SOX5: variants seen among roughly 807,000 people sequenced by gnomAD.
SOX5 encodes transcription factor SOX-5.
SOX5 carries 9 observed loss-of-function variants against 92.0 expected under a neutral mutation model. The ratio of observed to expected loss-of-function variants is 0.10; its 90% CI spans 0.06 to 0.17. SOX5 has a LOEUF of 0.17. Among genes scored for constraint, SOX5 ranks in the 10% least tolerant of loss-of-function variants. The probability of loss-of-function intolerance (pLI) is 1.00; values close to 1 mark genes in which losing one functional copy is unlikely to be tolerated. For synonymous variants in SOX5, 344 were observed against 336.3 expected (o/e 1.02, Z -0.25); for missense variants, 642 against 944.5 (o/e 0.68, Z 4.20).
intron 3 of SOX5, among the ~76,000 whole-genome samples, chr12:23,787,738 G>T (rs1328753938): frequency 6.6e-6 from 1 of 151,872 alleles, no homozygotes; most frequent in Non-Finnish European, 1.5e-5. Flanking sequence ...CAATCAAAGA[G>T]ACTTCAACTT....
chr12:23,650,528 G>A (rs1470131391), intron 7 of SOX5, among the ~76,000 whole-genome samples: 1 of 152,114 alleles, frequency 6.6e-6, no homozygotes. Context: ...CACTGTAGAT[G>A]GAACTTTGGA....
At chr12:23,627,210 C>T (rs914070615) in intron 8 of SOX5, among the ~76,000 whole-genome samples, 2 of 151,952 alleles carry the variant, frequency 1.3e-5, no homozygotes, top group African/African-American at 2.4e-5. Context: ...GTAACTTTTA[C>T]GGAATGGAAA....
intron 3 of SOX5, among the ~76,000 whole-genome samples, chr12:23,821,371 C>A (rs1396380499): frequency 6.6e-6 from 1 of 152,176 alleles, no homozygotes; most frequent in African/African-American, 2.4e-5. Flanking sequence ...AATCTGCAAA[C>A]AGAGATAATT....
intron 4 of SOX5, among the ~76,000 whole-genome samples, chr12:24,070,886 G>T (rs1941670392): frequency 6.6e-6 from 1 of 152,140 alleles, no homozygotes; most frequent in Non-Finnish European, 1.5e-5. Flanking sequence ...TCCACCAGGG[G>T]TAACCTCCAT....
chr12:24,561,819 C>T (rs1954383356), intron 1 of SOX5, among the ~76,000 whole-genome samples: 1 of 151,232 alleles, frequency 6.6e-6, no homozygotes, highest in African/African-American at 2.4e-5. Context: ...AGGGGGTGGG[C>T]CAGGGGTCGC....
At chr12:23,632,103 TG>T (rs1404803666) in intron 8 of SOX5, 1 of 152,170 alleles carries the variant, frequency 6.6e-6, no homozygotes, top group Non-Finnish European at 1.5e-5. Context: ...TAATTGTTGT[TG>T]GGGTTTTTTT....
intron 1 of SOX5, among the ~76,000 whole-genome samples, chr12:24,379,940 A>G (rs1192997110): frequency 1.4e-5 from 2 of 143,392 alleles, no homozygotes; most frequent in Non-Finnish European, 3.0e-5. Flanking sequence ...CACACTATTT[A>G]TGGGAGGGAG....
At chr12:24,415,560 A>G (rs1964882851) in intron 1 of SOX5, among the ~76,000 whole-genome samples, 1 of 152,236 alleles carries the variant, frequency 6.6e-6, no homozygotes, top group African/African-American at 2.4e-5. Context: ...AGAAAGATCA[A>G]CATACCAATT....
chr12:24,012,102 A>C (rs1953009856), intron 4 of SOX5, among the ~76,000 whole-genome samples: 1 of 139,206 alleles, frequency 7.2e-6, no homozygotes, highest in South Asian at 2.4e-4. Context: ...AAACTTACAA[A>C]ATTTCATCAA....
intron 4 of SOX5, among the ~76,000 whole-genome samples, chr12:24,066,199 G>C (rs1013870838): frequency 6.6e-6 from 1 of 152,168 alleles, no homozygotes; most frequent in African/African-American, 2.4e-5. Context: ...TTAATTATCA[G>C]TTGATATAGA....
chr12:24,400,293 T>C lies in SOX5; in HGVS notation c.-250-31654A>G, dbSNP rs568576941. On this transcript the variant is annotated intron_variant, in intron 1 of 4. Coordinates refer to the SOX5 transcript ENST00000446891. ...TTAAATTTTTTCATAACCTTCCATT[T>C]TGTTTCTTTTCTTCCTTCTTTTCAT... is the stretch of plus-strand genomic sequence containing the variant. Among the ~76,000 whole-genome samples the C allele has an allele frequency of 5.3e-5, 8 of 152,362 alleles. No individual in the cohort carries two copies. The South Asian group carries it at 1.7e-3, about 32-fold the overall frequency.
intron 3 of SOX5, among the ~76,000 whole-genome samples, chr12:23,804,916 TATATATATATATATATATATA>T (rs1348147765): frequency 9.1e-4 from 3 of 3,302 alleles, no homozygotes; most frequent in Admixed American, 3.1e-3. Flanking sequence ...ATCATTGTTT[TATATATATATATATATATATA>T]TATATATATA....
At chr12:24,030,538 T>C (rs1955385280) in intron 4 of SOX5, among the ~76,000 whole-genome samples, 1 of 151,800 alleles carries the variant, frequency 6.6e-6, no homozygotes, top group African/African-American at 2.4e-5. Context: ...ATATAGAAAA[T>C]CAACTCAAAA....
At chr12:23,837,866 GAT>G (rs1305223279) in intron 3 of SOX5, among the ~76,000 whole-genome samples, 4 of 93,480 alleles carry the variant, frequency 4.3e-5, no homozygotes, top group Non-Finnish European at 5.6e-5. Context: ...TAATATATAA[GAT>G]ATATTTATAT....
intron 1 of SOX5, among the ~76,000 whole-genome samples, chr12:24,411,068 T>C (rs927262133): frequency 5.4e-4 from 82 of 152,218 alleles, no homozygotes; most frequent in Non-Finnish European, 8.4e-4. Flanking sequence ...CTGTAAATAG[T>C]ATTGCATTTT....
intron 3 of SOX5, among the ~76,000 whole-genome samples, chr12:23,822,883 T>G (rs2096149305): frequency 6.6e-6 from 1 of 152,194 alleles, no homozygotes; most frequent in Non-Finnish European, 1.5e-5. Context: ...GATAATGCCT[T>G]TCTTTGCCTT....
In SOX5 at chr12:23,584,547, A is replaced by G. The variant is rs79989573; in HGVS notation, c.1165-8709T>C. 1,050 of 1,603,218 alleles carry G rather than the reference A, an allele frequency of 6.5e-4. 6 individuals carry two copies. In the African/African-American group the frequency reaches 0.012, roughly 19 times the overall value. Reference sequence around the variant, plus strand: ...AGAGTCATTCCCAGTGCTCACATACATGCATGCACAGCTCCTATGGCACAA... The same window carrying G: ...AGAGTCATTCCCAGTGCTCACATACGTGCATGCACAGCTCCTATGGCACAA... On this transcript the variant is annotated intron_variant, in intron 9 of 14. Transcript: ENST00000451604.
rs116608403 is a variant in SOX5 at position 23,912,620 on chromosome 12, C to T, written c.39-16596G>A. ...TTAAATGATGAATGAAAAAACAATA[C>T]GTGGCATATCCATACAATGGAACAT... On this transcript the variant is annotated intron_variant, in intron 1 of 14. Transcript: ENST00000451604. 8.3e-3 allele frequency among the ~76,000 whole-genome samples: 1,257 copies of T among 152,108 alleles called. 18 individuals carry two copies. The highest frequency in any genetic ancestry group is 0.029 in the African/African-American group (1,190 of 41,510).
At chr12:23,545,488 C>T (rs1032392956) in intron 12 of SOX5, among the ~76,000 whole-genome samples, 5 of 152,096 alleles carry the variant, frequency 3.3e-5, no homozygotes, top group African/African-American at 1.2e-4. Context: ...AGAGATGATA[C>T]AGAAAACAGA....
Sources: allele counts gnomAD v4.1 joint callset (sites outside exome capture counted in the v4.1 genomes callset), GRCh38; gene constraint gnomAD v4.1.1; transcripts MANE v1.5; gene names NCBI Gene and HGNC (gene_info 2026-07-23, HGNC 2026-07-21).